Variants in LURAP1L observed in about 807,000 individuals in gnomAD.
LURAP1L encodes leucine rich adaptor protein 1-like.
A neutral mutation model predicts 13.8 loss-of-function variants in LURAP1L; 12 were observed. The ratio of observed to expected loss-of-function variants is 0.87; its 90% CI spans 0.56 to 1.41. The LOEUF is 1.41. LURAP1L is among the 40% of genes most tolerant of loss of function. The pLI is 0.00. For synonymous variants in LURAP1L, 139 were observed against 119.2 expected (o/e 1.17, Z -1.08); for missense variants, 375 against 292.9 (o/e 1.28, Z -2.04).
chr9:12,798,288 T>C (rs1819536994), intron 1 of LURAP1L, among the ~76,000 whole-genome samples: 1 of 152,178 alleles, frequency 6.6e-6, no homozygotes, highest in African/African-American at 2.4e-5. Context: ...CCAGCAAACA[T>C]ATTTTGCCAG....
In LURAP1L at chr9:12,794,365, T is replaced by A. The variant is rs1055616632; in HGVS notation, c.312+18338T>A. Reference sequence around the variant, plus strand: ...TTGCACCCAATTCTGTTACTTTTTTTAAATATCATTAAGTTGATTTTGTGT... The same window carrying A: ...TTGCACCCAATTCTGTTACTTTTTTAAAATATCATTAAGTTGATTTTGTGT... On this transcript the variant is annotated intron_variant, in intron 1 of 1. Transcript: ENST00000319264. 1.8e-4 allele frequency among the ~76,000 whole-genome samples: 27 copies of A among 152,074 alleles called. 1 individual carries two copies. Among genetic ancestry groups the A allele is most frequent in the Admixed American group, 7.9e-4 (12 of 15,246 alleles).
intron 1 of LURAP1L, 77 bp downstream of exon 1, chr9:12,776,104 G>GGA (rs1819178159): frequency 7.0e-7 from 1 of 1,438,586 alleles, no homozygotes; most frequent in Non-Finnish European, 9.7e-7. Context: ...AATGGGGCTG[G>GGA]GAGAGAGGAC....
chr9:12,820,567 C>T (rs1222657663), intron 1 of LURAP1L, among the ~76,000 whole-genome samples: 1 of 140,170 alleles, frequency 7.1e-6, no homozygotes, highest in African/African-American at 2.6e-5. Flanking sequence ...ATTCTCAGAC[C>T]TTCCCAACAT....
chr9:12,810,916 C>A (rs527902232), intron 1 of LURAP1L, among the ~76,000 whole-genome samples: 1 of 152,216 alleles, frequency 6.6e-6, no homozygotes, highest in South Asian at 2.1e-4. Context: ...TCTTAAGCAT[C>A]ATAAAGTATT....
intron 1 of LURAP1L, among the ~76,000 whole-genome samples, chr9:12,821,178 C>T (rs556908184): frequency 2.0e-5 from 3 of 152,210 alleles, no homozygotes; most frequent in African/African-American, 4.8e-5. Context: ...CCTTTTGGAG[C>T]CTGATGCATC....
chr9:12,788,187 G>GAAAGAAAGAA (rs374048758), intron 1 of LURAP1L, among the ~76,000 whole-genome samples: 1 of 136,598 alleles, frequency 7.3e-6, no homozygotes, highest in East Asian at 4.6e-4. Flanking sequence ...AAGAAAGAAA[G>GAAAGAAAGAA]AAAGAAAAGA....
chr9:12,822,020 A>G lies in LURAP1L; in HGVS notation c.*260A>G. 2.7e-6 allele frequency: 1 copy of G among 364,952 alleles called. No homozygotes were observed. The allele number at this position is 364,952 out of a possible 1,614,324, so 22.6% of individuals were successfully genotyped here. A position where few individuals can be genotyped will look rare whatever the true frequency, so the allele number is the denominator to read the frequency against. On this transcript the variant is annotated 3_prime_UTR_variant, in exon 2 of 2. Coordinates refer to ENST00000319264, the MANE Select transcript of LURAP1L (RefSeq NM_203403.2). The stretch of plus-strand genomic sequence containing the variant: ...ACAGTAGCACAAACAAAGTAGGGGG[A>G]AAAGAATAAGCAATAATTATGTTTT...
At chr9:12,787,747 A>T (rs1183902039) in intron 1 of LURAP1L, among the ~76,000 whole-genome samples, 1 of 152,152 alleles carries the variant, frequency 6.6e-6, no homozygotes, top group African/African-American at 2.4e-5. Context: ...TGGGACAAAA[A>T]ATACTTCACC....
At chr9:12,776,592 C>A (rs553960254) in intron 1 of LURAP1L, among the ~76,000 whole-genome samples, 27 of 152,168 alleles carry the variant, frequency 1.8e-4, no homozygotes, top group Admixed American at 1.6e-3. Context: ...AGGCCACTGT[C>A]GAGCAGATTC....
chr9:12,793,146 T>C (rs1365913378), intron 1 of LURAP1L, among the ~76,000 whole-genome samples: 1 of 151,990 alleles, frequency 6.6e-6, no homozygotes, highest in African/African-American at 2.4e-5. Context: ...TCTTGAAATT[T>C]CCCCTACTCT....
Position 12,795,020 on chromosome 9 carries a change from TAATAA to T in LURAP1L, c.312+18998_312+19002del, listed in dbSNP as rs148497778. 2.1e-3 allele frequency among the ~76,000 whole-genome samples: 324 copies of T among 152,042 alleles called. 1 individual carries two copies. The highest frequency in any genetic ancestry group is 7.7e-3 in the African/African-American group (318 of 41,506). ...TTAATCTCAGAGGTCCCATGGTCTG[TAATAA>T]AATATAATTTTGATATGAAAGAAAT... is the stretch of plus-strand genomic sequence containing the variant. On this transcript the variant is annotated intron_variant, in intron 1 of 1. Transcript: ENST00000319264.
At chr9:12,807,782 G>C (rs919693302) in intron 1 of LURAP1L, among the ~76,000 whole-genome samples, 1 of 151,208 alleles carries the variant, frequency 6.6e-6, no homozygotes, top group Non-Finnish European at 1.5e-5. Flanking sequence ...TCTTTTCTTT[G>C]CTTTTTTGTC....
chr9:12,798,883 G>A (rs918934974), intron 1 of LURAP1L, among the ~76,000 whole-genome samples: 13 of 152,166 alleles, frequency 8.5e-5, no homozygotes, highest in African/African-American at 3.1e-4. Context: ...ACACCCAAGT[G>A]ACTACAATAT....
intron 1 of LURAP1L, among the ~76,000 whole-genome samples, chr9:12,795,642 C>T (rs1003201929): frequency 6.6e-6 from 1 of 151,956 alleles, no homozygotes; most frequent in African/African-American, 2.4e-5. Flanking sequence ...ATACTGAATG[C>T]CAAGCTAAGA....
chr9:12,791,691 T>TACACACAC (rs111521632), intron 1 of LURAP1L, among the ~76,000 whole-genome samples: 13 of 147,730 alleles, frequency 8.8e-5, no homozygotes, highest in African/African-American at 2.7e-4. Flanking sequence ...CCCTTCTTTT[T>TACACACAC]ACACACACAC....
intron 1 of LURAP1L, among the ~76,000 whole-genome samples, chr9:12,792,176 G>GGACT (rs1819449398): frequency 6.6e-6 from 1 of 152,026 alleles, no homozygotes; most frequent in African/African-American, 2.4e-5. Context: ...GGGAGGTTTG[G>GGACT]GACTATACAT....
chr9:12,787,008 A>C (rs1216555722), intron 1 of LURAP1L, among the ~76,000 whole-genome samples: 1 of 152,152 alleles, frequency 6.6e-6, no homozygotes, highest in Middle Eastern at 3.2e-3. Flanking sequence ...TAGTAAATTC[A>C]CAAAAAGATT....
At chr9:12,779,466 G>T (rs1819239491) in intron 1 of LURAP1L, among the ~76,000 whole-genome samples, 1 of 151,946 alleles carries the variant, frequency 6.6e-6, no homozygotes. Flanking sequence ...AGTAGAGACA[G>T]GGTTTCACCG....
At chr9:12,777,231 T>C (rs1163163061) in intron 1 of LURAP1L, 2 of 985,134 alleles carry the variant, frequency 2.0e-6, no homozygotes, top group South Asian at 4.7e-5. Context: ...AACCCTTAGG[T>C]ACATAATGGA....
Sources: gnomAD v4.1 joint callset for allele counts (sites outside exome capture counted in the v4.1 genomes callset) on GRCh38, gnomAD v4.1.1 for gene constraint, MANE v1.5 for transcripts, NCBI Gene and HGNC (gene_info 2026-07-23, HGNC 2026-07-21) for gene names.